HS3ST4: variants seen among roughly 807,000 people sequenced by gnomAD.
HS3ST4 encodes heparan sulfate-glucosamine 3-sulfotransferase 4, also known as heparan sulfate glucosamine 3-O-sulfotransferase 4.
Under a neutral mutation model 29.2 loss-of-function variants are expected in HS3ST4, and 17 were observed. The observed-to-expected ratio is 0.58, with a 90% CI of 0.40 to 0.87. HS3ST4 has a LOEUF of 0.87. Among genes scored for constraint, HS3ST4 ranks in the 40% least tolerant of loss-of-function variants. HS3ST4 has a pLI of 0.00. For synonymous variants in HS3ST4, 314 were observed against 285.7 expected, an observed-to-expected ratio of 1.10 and a Z score of -1.00; for missense variants, 627 against 634.5, an observed-to-expected ratio of 0.99 and a Z score of 0.13.
At chr16:25,902,902 A>C (rs1256253484) in intron 1 of HS3ST4, among the ~76,000 whole-genome samples, 1 of 152,074 alleles carries the variant, frequency 6.6e-6, no homozygotes, top group Non-Finnish European at 1.5e-5. Flanking sequence ...GTTCAAGACC[A>C]GCCTGGTCAA....
At chr16:26,006,921 T>C (rs891821010) in intron 1 of HS3ST4, among the ~76,000 whole-genome samples, 1 of 152,256 alleles carries the variant, frequency 6.6e-6, no homozygotes, top group African/African-American at 2.4e-5. Context: ...ATTAAATTTC[T>C]TCCAAAGTTA....
At chr16:25,705,628 C>T (rs1182289196) in intron 1 of HS3ST4, among the ~76,000 whole-genome samples, 1 of 151,976 alleles carries the variant, frequency 6.6e-6, no homozygotes, top group African/African-American at 2.4e-5. Context: ...CGCACCACTA[C>T]ACTCCAGCCT....
At chr16:26,127,719 A>T (rs769808684) in intron 1 of HS3ST4, among the ~76,000 whole-genome samples, 1 of 152,162 alleles carries the variant, frequency 6.6e-6, no homozygotes, top group Non-Finnish European at 1.5e-5. Flanking sequence ...CACGGATATC[A>T]TGGGGAATAA....
At chr16:25,782,893 A>G (rs905491950) in intron 1 of HS3ST4, among the ~76,000 whole-genome samples, 2 of 152,210 alleles carry the variant, frequency 1.3e-5, no homozygotes, top group Non-Finnish European at 2.9e-5. Context: ...AGTTTAAAAA[A>G]TCCTTTTCAT....
intron 1 of HS3ST4, among the ~76,000 whole-genome samples, chr16:26,116,799 CA>C (rs981030310): frequency 1.3e-5 from 2 of 152,126 alleles, no homozygotes; most frequent in African/African-American, 4.8e-5. Context: ...TCCAAAAATT[CA>C]AAATCTGTAA....
intron 1 of HS3ST4, among the ~76,000 whole-genome samples, chr16:26,112,122 A>G (rs1899139869): frequency 6.6e-6 from 1 of 152,104 alleles, no homozygotes; most frequent in South Asian, 2.1e-4. Flanking sequence ...GAAGGAGTGC[A>G]CTAGCTTATT....
intron 1 of HS3ST4, among the ~76,000 whole-genome samples, chr16:25,890,336 G>C (rs1967995227): frequency 6.6e-6 from 1 of 152,156 alleles, no homozygotes; most frequent in African/African-American, 2.4e-5. Flanking sequence ...ATCAAGGATG[G>C]ATTTGTTATC....
intron 1 of HS3ST4, among the ~76,000 whole-genome samples, chr16:25,981,355 AG>A (rs1969003068): frequency 6.6e-6 from 1 of 151,844 alleles, no homozygotes; most frequent in African/African-American, 2.4e-5. Flanking sequence ...AAAAGAAGGT[AG>A]GTAGTTCAGG....
intron 1 of HS3ST4, among the ~76,000 whole-genome samples, chr16:26,011,722 G>T (rs56206204): frequency 6.7e-6 from 1 of 150,048 alleles, no homozygotes; most frequent in Non-Finnish European, 1.5e-5. Flanking sequence ...GACAGAGAGA[G>T]GTGTGTGTGT....
chr16:25,937,369 C>T (rs1018885406), intron 1 of HS3ST4, among the ~76,000 whole-genome samples: 3 of 152,188 alleles, frequency 2.0e-5, no homozygotes, highest in East Asian at 1.9e-4. Flanking sequence ...TTTATTTTTA[C>T]AAACCTGTTG....
chr16:25,859,525 A>G (rs1044885444), intron 1 of HS3ST4, among the ~76,000 whole-genome samples: 8 of 152,182 alleles, frequency 5.3e-5, no homozygotes, highest in Non-Finnish European at 1.0e-4. Flanking sequence ...CATTTCATCA[A>G]CCTGTGAAAT....
chr16:25,893,612 A>G (rs1001441930), intron 1 of HS3ST4, among the ~76,000 whole-genome samples: 20 of 152,202 alleles, frequency 1.3e-4, no homozygotes, highest in African/African-American at 4.6e-4. Flanking sequence ...TCATGGGCCA[A>G]TCACTGTGGC....
chr16:25,986,944 T>C (rs966400221), intron 1 of HS3ST4, among the ~76,000 whole-genome samples: 2 of 152,240 alleles, frequency 1.3e-5, no homozygotes, highest in Admixed American at 6.5e-5. Flanking sequence ...CCATAAATCA[T>C]TGATCAGAAA....
intron 1 of HS3ST4, among the ~76,000 whole-genome samples, chr16:25,987,242 T>A (rs1050345442): frequency 6.6e-6 from 1 of 151,518 alleles, no homozygotes; most frequent in African/African-American, 2.4e-5. Flanking sequence ...CCCAGCTACT[T>A]GGGAAGCTGA....
At chr16:25,910,716 G>A (rs545666198) in intron 1 of HS3ST4, among the ~76,000 whole-genome samples, 2 of 152,170 alleles carry the variant, frequency 1.3e-5, no homozygotes, top group South Asian at 2.1e-4. Flanking sequence ...AAACAAATGG[G>A]TGTGGCCATT....
chr16:26,113,061 A>T (rs1567314936), intron 1 of HS3ST4, among the ~76,000 whole-genome samples: 1 of 152,232 alleles, frequency 6.6e-6, no homozygotes, highest in Non-Finnish European at 1.5e-5. Flanking sequence ...TCATCAGAAA[A>T]ATGAGTAAGT....
intron 1 of HS3ST4, among the ~76,000 whole-genome samples, chr16:26,022,680 C>CTTTT (rs34741128): frequency 4.9e-5 from 7 of 142,678 alleles, no homozygotes; most frequent in African/African-American, 1.8e-4. Flanking sequence ...AATTTTCTTC[C>CTTTT]TTTTTTTTTT....
chr16:25,926,282 C>T (rs191734787), intron 1 of HS3ST4, among the ~76,000 whole-genome samples: 153 of 152,290 alleles, frequency 1.0e-3, no homozygotes, highest in Middle Eastern at 3.4e-3. Flanking sequence ...TTCACCTCTC[C>T]GAACACTGGG....
At chr16:26,134,922 A>T (rs936005385) in intron 1 of HS3ST4, among the ~76,000 whole-genome samples, 2 of 152,226 alleles carry the variant, frequency 1.3e-5, no homozygotes, top group African/African-American at 2.4e-5. Context: ...TAAATGAATG[A>T]ATGTGGCTGT....
Sources: allele counts gnomAD v4.1 joint callset (sites outside exome capture counted in the v4.1 genomes callset), GRCh38; gene constraint gnomAD v4.1.1; transcripts MANE v1.5; gene names NCBI Gene and HGNC (gene_info 2026-07-23, HGNC 2026-07-21).